FAT2: variants seen among roughly 807,000 people sequenced by gnomAD.
FAT2 encodes the protein FAT atypical cadherin 2.
In FAT2, 150 loss-of-function variants were observed where a neutral mutation model predicts 295.3. The ratio of observed to expected loss-of-function variants is 0.51; its 90% CI spans 0.44 to 0.58. The LOEUF (loss-of-function observed/expected upper bound fraction) is 0.58. FAT2 is among the 20% of genes least tolerant of loss of function. The probability of loss-of-function intolerance (pLI) is 0.00; values close to 1 mark genes in which losing one functional copy is unlikely to be tolerated. For missense variants in FAT2, 4,868 were observed against 5,442.7 expected (o/e 0.89, Z 3.32); for synonymous variants, 2,026 against 2,150.3 (o/e 0.94, Z 1.60).
intron 2 of FAT2, among the ~76,000 whole-genome samples, chr5:151,564,980 C>A (rs1389239098): frequency 2.0e-5 from 3 of 152,060 alleles, no homozygotes; most frequent in African/African-American, 7.2e-5. Flanking sequence ...GAGCCTAAGG[C>A]AGGAGAATCG....
intron 1 of FAT2, among the ~76,000 whole-genome samples, chr5:151,577,825 G>A (rs1398174098): frequency 1.3e-5 from 2 of 152,112 alleles, no homozygotes; most frequent in Non-Finnish European, 2.9e-5. Context: ...TTGTCTGTAC[G>A]GATCTATGAG....
chr5:151,593,665 G>T (rs761912324), upstream of FAT2, among the ~76,000 whole-genome samples: 1 of 152,040 alleles, frequency 6.6e-6, no homozygotes, highest in African/African-American at 2.4e-5. Context: ...ACTCCCCTTT[G>T]TGAGCACATC....
At chr5:151,532,067 C>G (rs1754690007) in intron 13 of FAT2, 97 bp from the exon 14 acceptor site, 2 of 1,496,320 alleles carry the variant, frequency 1.3e-6, no homozygotes, top group Non-Finnish European at 1.8e-6. Context: ...TGGGGAGGGG[C>G]TCCCATGAAG....
intron 1 of FAT2, among the ~76,000 whole-genome samples, chr5:151,583,196 C>T (rs1038533334): frequency 4.6e-5 from 7 of 152,174 alleles, no homozygotes; most frequent in African/African-American, 1.4e-4. Context: ...CGGTTCCACT[C>T]CTAGGTCAAC....
Position 151,568,651 on chromosome 5 carries a change from A to G in FAT2, c.281T>C (p.Phe94Ser). The G allele has an allele frequency of 6.2e-7, 1 of 1,614,114 alleles. No individual in the cohort carries two copies. ...TEEYVVGNFC[F>S]LRIRTKSSNT... ...GCTGCTCTTTGTCCTTATTCTTAGGAAGCAGAAGTTGCCCACCACATACTC... is the reference window on the plus strand; with the variant it reads ...GCTGCTCTTTGTCCTTATTCTTAGGGAGCAGAAGTTGCCCACCACATACTC... Residue 94 changes from phenylalanine to serine, a missense_variant, in exon 2 of 24, where the codon TTC (phenylalanine) becomes TCC (serine). This residue lies in a region of FAT2 where 3,297 missense variants were observed against 3,669.4 expected (regional missense o/e 0.90). Coordinates refer to ENST00000261800, the MANE Select transcript of FAT2 (RefSeq NM_001447.3).
rs57774012 is a variant in FAT2 at position 151,512,207 on chromosome 5, T to G, written c.11863A>C (p.Thr3955Pro). 2.5e-3 allele frequency: 3,990 copies of G among 1,614,164 alleles called. 91 individuals carry two copies. The African/African-American group carries it at 0.045, about 18-fold the overall frequency. The change falls in exon 21 of 24, where the codon ACA (threonine) becomes CCA (proline). Residue 3955 changes from threonine to proline, a missense_variant. Thr to Pro is a conservative substitution (Grantham distance 38). This residue lies in a region of FAT2 where 24 missense variants were observed against 53.3 expected (regional missense o/e 0.45). Transcript: ENST00000261800. This position sits in a 1 kb window ranked among gnomAD's most constrained non-coding sequence, Gnocchi z 4.1. ...CLHSDYCSQN[T>P]CLNGGKCSWT... ...GAGCACTTCCCACCATTGAGGCATG[T>G]GTTCTGGCTGCAGTAGTCACTGTGG...
chr5:151,566,283 G>T lies in FAT2; in HGVS notation c.2649C>A (p.Arg883=), dbSNP rs373152684. The stretch of plus-strand genomic sequence containing the variant: ...TGAGTATGTACCGAGGCTCTGATTC[G>T]CGGTCCAGGTGTCCTGTAACAACCA... ...GELVVTGHLD[R]ESEPRYILKV... Residue 883 remains arginine, a synonymous_variant, in exon 2 of 24, where the codon CGC becomes CGA. Coordinates refer to ENST00000261800, the MANE Select transcript of FAT2 (RefSeq NM_001447.3). The T allele has an allele frequency of 6.2e-7, 1 of 1,613,958 alleles. No individual in the cohort carries two copies. The highest frequency in any genetic ancestry group is 1.3e-5 in the African/African-American group (1 of 74,880).
chr5:151,556,281 G>T, intron 4 of FAT2, 63 bp downstream of exon 4: 3 of 1,395,618 alleles, frequency 2.1e-6, no homozygotes, highest in Non-Finnish European at 2.0e-6. Context: ...AGACATGCAC[G>T]TGGCTCCAAG....
intron 1 of FAT2, among the ~76,000 whole-genome samples, chr5:151,573,610 C>A (rs1439957282): frequency 2.6e-5 from 4 of 152,148 alleles, no homozygotes; most frequent in Non-Finnish European, 5.9e-5. Flanking sequence ...GCCGAGATCG[C>A]GCCACTGCAC....
In FAT2 at chr5:151,542,269, T is replaced by C. The variant is rs1295800702; in HGVS notation, c.8842+16A>G. ...GATACATTCCAGAGCCTGCAGTCCA[T>C]GACAGGTGTTCTTACCTGTGATGTA... On this transcript the variant is annotated intron_variant, in intron 10 of 23. Transcript: ENST00000261800. 1 of 1,571,164 alleles carries C rather than the reference T, an allele frequency of 6.4e-7. No homozygotes were observed. Among genetic ancestry groups the C allele is most frequent in the Non-Finnish European group, 8.6e-7 (1 of 1,159,428 alleles).
intron 20 of FAT2, among the ~76,000 whole-genome samples, chr5:151,514,244 A>T (rs1302155832): frequency 1.3e-5 from 2 of 152,248 alleles, no homozygotes; most frequent in Admixed American, 1.3e-4. Flanking sequence ...AACAAAAATG[A>T]ATGCAACTCA....
At chr5:151,515,905 C>T (rs1384085505) in intron 20 of FAT2, among the ~76,000 whole-genome samples, 1 of 152,196 alleles carries the variant, frequency 6.6e-6, no homozygotes, top group African/African-American at 2.4e-5. Flanking sequence ...CCATTTTGCT[C>T]AGAATAAAAG....
upstream of FAT2, among the ~76,000 whole-genome samples, chr5:151,593,115 G>T (rs1242728298): frequency 1.3e-5 from 2 of 152,220 alleles, no homozygotes; most frequent in Non-Finnish European, 2.9e-5. Flanking sequence ...GTTGCAGGGT[G>T]AGGGGACCTA....
rs552300011 is a variant in FAT2 at position 151,505,903 on chromosome 5, G to A, written c.12712C>T (p.Pro4238Ser). Residue 4238 changes from proline to serine, a missense_variant, in exon 24 of 24, where the codon CCT becomes TCT. Around this residue, in one of 5 missense-constraint regions of FAT2, gnomAD observed 492 missense variants for 482.6 expected, o/e 1.02. Transcript: ENST00000261800. ...TGGTTGCTGTAACGGGGTGGGAGAG[G>A]TGCCCGCTTGTTTTCCATCTCCAGG... ...FPLEMENKRA[P>S]LPPRYSNQNL... 6.3e-7 allele frequency: 1 copy of A among 1,592,584 alleles called. No homozygotes were observed. The highest frequency in any genetic ancestry group is 1.9e-5 in the Admixed American group (1 of 53,736).
chr5:151,515,359 A>G (rs12717853), intron 20 of FAT2, among the ~76,000 whole-genome samples: 119,744 of 152,118 alleles, frequency 0.79, 47,598 homozygotes, highest in East Asian at 0.96. Context: ...TTCAATCTAC[A>G]TTGCTTGGTG....
At chr5:151,538,922 G>T (rs1333299830) in intron 11 of FAT2, among the ~76,000 whole-genome samples, 3 of 151,996 alleles carry the variant, frequency 2.0e-5, no homozygotes. Flanking sequence ...CTGACATCAG[G>T]TGATCCGCCT....
chr5:151,540,301 A>ATCAC (rs1277284924), intron 11 of FAT2, among the ~76,000 whole-genome samples: 2 of 152,022 alleles, frequency 1.3e-5, no homozygotes, highest in Admixed American at 6.5e-5. Context: ...AAGAGAGGTG[A>ATCAC]GGTCAGTGAT....
chr5:151,522,109 T>G (rs1216466080), intron 18 of FAT2, 23 bp from the exon 19 acceptor site: 10 of 1,538,366 alleles, frequency 6.5e-6, no homozygotes, highest in African/African-American at 2.7e-5. Flanking sequence ...CAAACACTGC[T>G]GTCACCCAAC....
chr5:151,507,431 G>C lies in FAT2; in HGVS notation c.12240C>G (p.Ala4080=). 1 of 1,614,174 alleles carries C rather than the reference G, an allele frequency of 6.2e-7. No homozygotes were observed. The stretch of plus-strand genomic sequence containing the variant: ...TGGCCAGGAGGTCTGGGTCCTCCAT[G>C]GCCACAGGCTTGTGAGACTTGCAAC... ...CRRCKSHKPV[A]MEDPDLLARS... Residue 4080 remains alanine (A), a synonymous_variant, in exon 23 of 24, where the codon GCC becomes GCG. Transcript: ENST00000261800.
Sources: allele counts gnomAD v4.1 joint callset (sites outside exome capture counted in the v4.1 genomes callset), GRCh38; gene constraint gnomAD v4.1.1; regional missense constraint gnomAD v4.1.1; non-coding constraint Gnocchi (gnomAD v3.1); transcripts MANE v1.5; gene names NCBI Gene and HGNC (gene_info 2026-07-23, HGNC 2026-07-21).